The following NPNT variants were observed in gnomAD, a reference collection of about 807,000 sequenced individuals.
The protein encoded by NPNT is preosteoblast EGF-like repeat protein with MAM domain.
A neutral mutation model predicts 68.6 loss-of-function variants in NPNT; 45 were observed. That is an observed-to-expected ratio of 0.66 (90% CI 0.52 to 0.84). The LOEUF (loss-of-function observed/expected upper bound fraction) is 0.84, where lower values mean the gene tolerates loss of function less well. Among genes scored for constraint, NPNT ranks in the 40% least tolerant of loss-of-function variants. The pLI, the probability that NPNT is intolerant of heterozygous loss-of-function variation, is 0.00. For synonymous variants in NPNT, 233 were observed against 253.3 expected (o/e 0.92, Z 0.76); for missense variants, 672 against 714.8 (o/e 0.94, Z 0.68).
chr4:105,900,521 T>C (rs745972165), intron 2 of NPNT, among the ~76,000 whole-genome samples: 11 of 152,258 alleles, frequency 7.2e-5, no homozygotes, highest in Non-Finnish European at 1.3e-4. Context: ...ACTTGCTATC[T>C]TCCTATCCAT....
At chr4:105,943,228 G>A (rs549559787) in intron 8 of NPNT, among the ~76,000 whole-genome samples, 1 of 152,318 alleles carries the variant, frequency 6.6e-6, no homozygotes, top group South Asian at 2.1e-4. Flanking sequence ...TATGAGAGGA[G>A]AATGAAGGGA....
intron 6 of NPNT, 125 bp downstream of exon 6, chr4:105,940,334 C>A: frequency 1.8e-6 from 2 of 1,101,112 alleles, no homozygotes; most frequent in Non-Finnish European, 1.3e-6. Flanking sequence ...AACCAACAGA[C>A]ATCCAGTTTA....
intron 4 of NPNT, 46 bp downstream of exon 4, chr4:105,937,174 T>C: frequency 6.2e-7 from 1 of 1,601,362 alleles, no homozygotes; most frequent in South Asian, 1.1e-5. Flanking sequence ...TGGGCTTGTT[T>C]CTGTTGTGCT....
At chr4:105,903,579 T>A (rs545909845) in intron 2 of NPNT, among the ~76,000 whole-genome samples, 98 of 152,348 alleles carry the variant, frequency 6.4e-4, no homozygotes, top group African/African-American at 2.3e-3. Context: ...TTTCCTTAAA[T>A]ATCCCTCCTC....
chr4:105,901,636 T>C (rs1726426714), intron 2 of NPNT, among the ~76,000 whole-genome samples: 1 of 152,234 alleles, frequency 6.6e-6, no homozygotes, highest in Non-Finnish European at 1.5e-5. Context: ...TGGTTTTGTA[T>C]CATTTATCCT....
chr4:105,955,331 T>C (rs951026858), intron 8 of NPNT, among the ~76,000 whole-genome samples: 8 of 152,332 alleles, frequency 5.3e-5, no homozygotes, highest in Non-Finnish European at 7.4e-5. Context: ...ATTTTCTGCA[T>C]TGATCAAAAT....
In NPNT at chr4:105,895,535, G is replaced by C. The variant is rs552343168; in HGVS notation, c.-118G>C. On this transcript the variant is annotated 5_prime_UTR_variant, in exon 1 of 12. Transcript: ENST00000379987. ...CCTCCGGGAGCGGCAGCAGTAGCCC[G>C]GGCGGCGAGGGCTGGGGGTTCCTCG... 1 of 802,522 alleles carries C rather than the reference G, an allele frequency of 1.2e-6. No individual in the cohort carries two copies. Among genetic ancestry groups the C allele is most frequent in the Non-Finnish European group, 1.9e-6 (1 of 514,300 alleles). The allele number at this position is 802,522 out of a possible 1,614,324, so 49.7% of individuals were successfully genotyped here.
At chr4:105,965,026 C>T (rs187301577) in intron 10 of NPNT, among the ~76,000 whole-genome samples, 2 of 152,112 alleles carry the variant, frequency 1.3e-5, no homozygotes, top group East Asian at 3.9e-4. Context: ...AAGTCAAAAC[C>T]TTCACAAATA....
Position 105,927,350 on chromosome 4 carries a change from C to T in NPNT, c.187C>T (p.Arg63Ter), listed in dbSNP as rs745892365. 1.2e-6 allele frequency: 2 copies of T among 1,610,712 alleles called. No homozygotes were observed. The highest frequency in any genetic ancestry group is 1.7e-6 in the Non-Finnish European group (2 of 1,177,640). Residue 63 changes from arginine to a stop codon, truncating the protein, a stop_gained, in exon 3 of 12, where the codon CGA becomes TGA. Transcript: ENST00000379987. LOFTEE classifies it high-confidence loss of function. The part of the protein sequence containing the change: ...WGQCQPVCQP[R>*]CKHGECIGPN... ...TCTTTTCACAGCTGTGTGCCAACCA[C>T]GATGCAAACATGGTGAATGTATCGG...
intron 9 of NPNT, 140 bp downstream of exon 9, chr4:105,958,697 TAAATC>T: frequency 1.9e-6 from 1 of 533,844 alleles, no homozygotes; most frequent in South Asian, 3.8e-5. Context: ...TCTTTGTAGT[TAAATC>T]AGTTGAGCAA....
chr4:105,924,580 T>C lies in NPNT; in HGVS notation c.173-2756T>C, dbSNP rs1225190249. Reference sequence around the variant, plus strand: ...GACTCCCTAAACATGGAAGAAACATTAACAGTGTTGGCCTGTTGGAATGTG... The same window carrying C: ...GACTCCCTAAACATGGAAGAAACATCAACAGTGTTGGCCTGTTGGAATGTG... On this transcript the variant is annotated intron_variant, in intron 2 of 11. Coordinates refer to ENST00000379987, the MANE Select transcript of NPNT (RefSeq NM_001033047.3). 2.0e-5 allele frequency among the ~76,000 whole-genome samples: 3 copies of C among 152,308 alleles called. No individual in the cohort carries two copies. In the East Asian group the frequency reaches 5.8e-4, roughly 29 times the overall value.
At chr4:105,910,204 C>T (rs1215317632) in intron 2 of NPNT, among the ~76,000 whole-genome samples, 2 of 152,132 alleles carry the variant, frequency 1.3e-5, no homozygotes, top group Non-Finnish European at 2.9e-5. Flanking sequence ...TTTAGTTTCT[C>T]TGGTTTATGA....
At chr4:105,949,916 T>C (rs1730684622) in intron 8 of NPNT, among the ~76,000 whole-genome samples, 1 of 152,150 alleles carries the variant, frequency 6.6e-6, no homozygotes, top group Non-Finnish European at 1.5e-5. Flanking sequence ...CTGTTTATGA[T>C]ATTTTGGGCG....
chr4:105,968,655 T>A (rs1437010613), intron 11 of NPNT, among the ~76,000 whole-genome samples: 2 of 152,258 alleles, frequency 1.3e-5, no homozygotes, highest in Non-Finnish European at 2.9e-5. Flanking sequence ...GTCTATAGCT[T>A]AGAATGGCTT....
intron 2 of NPNT, among the ~76,000 whole-genome samples, chr4:105,919,883 G>A (rs1728113356): frequency 6.6e-6 from 1 of 151,696 alleles, no homozygotes; most frequent in South Asian, 2.1e-4. Context: ...TAACCTGTGG[G>A]GTAATACATT....
chr4:105,934,364 G>T (rs1433135052), intron 3 of NPNT, among the ~76,000 whole-genome samples: 1 of 152,156 alleles, frequency 6.6e-6, no homozygotes, highest in African/African-American at 2.4e-5. Flanking sequence ...GGACAAAAAG[G>T]CTTCTCACCA....
intron 10 of NPNT, among the ~76,000 whole-genome samples, chr4:105,962,885 A>G (rs185002518): frequency 1.6e-3 from 244 of 150,662 alleles, no homozygotes; most frequent in African/African-American, 5.7e-3. Context: ...GTGTGTGTGT[A>G]TGTATGTGTA....
At position 105,942,415 on chromosome 4, in the gene NPNT, G is replaced by A. The variant is rs1730049923; in HGVS notation, c.872G>A (p.Gly291Glu). The change falls in exon 8 of 12, where the codon GGA becomes GAA. Residue 291 changes from glycine to glutamate, a missense_variant. Transcript: ENST00000379987. Reference protein sequence around the residue: ...TGNNNWIPDVGSTWWPPKTPY... With the variant: ...TGNNNWIPDVESTWWPPKTPY... Reference sequence around the variant, plus strand: ...AATAATAATTGGATTCCTGATGTTGGAAGTACTTGGTGGCCTCCGAAGACA... The same window carrying A: ...AATAATAATTGGATTCCTGATGTTGAAAGTACTTGGTGGCCTCCGAAGACA... 6.2e-7 allele frequency: 1 copy of A among 1,613,806 alleles called. No homozygotes were observed. Among genetic ancestry groups the A allele is most frequent in the Admixed American group, 1.7e-5 (1 of 59,946 alleles).
chr4:105,954,774 C>T (rs1731088319), intron 8 of NPNT, among the ~76,000 whole-genome samples: 1 of 152,182 alleles, frequency 6.6e-6, no homozygotes, highest in Non-Finnish European at 1.5e-5. Flanking sequence ...CATCACTTCT[C>T]AGAGATTTTT....
Sources: gnomAD v4.1 joint callset for allele counts (sites outside exome capture counted in the v4.1 genomes callset) on GRCh38, gnomAD v4.1.1 for gene constraint, MANE v1.5 for transcripts, NCBI Gene and HGNC (gene_info 2026-07-23, HGNC 2026-07-21) for gene names.